Variants in LIN7A observed in about 807,000 individuals in gnomAD.
The protein encoded by LIN7A is lin-7 cell polarity scaffold A, also known as protein lin-7 homolog A.
A neutral mutation model predicts 29.8 loss-of-function variants in LIN7A; 25 were observed. The ratio of observed to expected loss-of-function variants is 0.84; its 90% CI spans 0.61 to 1.17. LIN7A has a LOEUF of 1.17. Among genes scored for constraint, LIN7A ranks in the 50% most tolerant of loss-of-function variants. The pLI is 0.00. For missense variants in LIN7A, 239 were observed against 287.0 expected, an observed-to-expected ratio of 0.83 and a Z score of 1.21; for synonymous variants, 118 against 107.5, an observed-to-expected ratio of 1.10 and a Z score of -0.60.
chr12:80,842,096 A>G (rs1363780827), intron 4 of LIN7A: 12 of 1,287,562 alleles, frequency 9.3e-6, no homozygotes, highest in African/African-American at 1.5e-5. Flanking sequence ...CTGAGCTGAC[A>G]TGAGTTTCCA....
chr12:80,897,720 A>T (rs533413471), intron 1 of LIN7A, among the ~76,000 whole-genome samples: 28 of 152,086 alleles, frequency 1.8e-4, no homozygotes, highest in African/African-American at 6.8e-4. Context: ...AGGAAGAATC[A>T]CCTGAACCTG....
chr12:80,803,325 C>T (rs910843164), intron 5 of LIN7A, among the ~76,000 whole-genome samples: 2 of 152,128 alleles, frequency 1.3e-5, no homozygotes, highest in African/African-American at 2.4e-5. Context: ...GATAAGGGTC[C>T]AATTTCATTC....
chr12:80,875,607 G>T (rs1349105856), intron 2 of LIN7A, among the ~76,000 whole-genome samples: 1 of 152,086 alleles, frequency 6.6e-6, no homozygotes, highest in Non-Finnish European at 1.5e-5. Flanking sequence ...TTTTGTCTGC[G>T]ATTTCTATGA....
At chr12:80,825,475 T>A (rs1275286193) in intron 4 of LIN7A, among the ~76,000 whole-genome samples, 10 of 152,194 alleles carry the variant, frequency 6.6e-5, no homozygotes, top group Admixed American at 5.9e-4. Context: ...CTGATTGAGA[T>A]CCCTCAGAAT....
At chr12:80,839,557 A>C (rs1204482691) in intron 4 of LIN7A, among the ~76,000 whole-genome samples, 2 of 152,228 alleles carry the variant, frequency 1.3e-5, no homozygotes, top group Non-Finnish European at 2.9e-5. Context: ...TTATTGTGAA[A>C]CTTAAATCTT....
chr12:80,795,693 G>C lies in LIN7A; in HGVS notation c.*2034C>G, dbSNP rs1870412402. 6.6e-6 allele frequency: 1 copy of C among 152,110 alleles called. No homozygotes were observed. The highest frequency in any genetic ancestry group is 2.1e-4 in the South Asian group (1 of 4,830). The allele number at this position is 152,110 out of a possible 1,614,324, so 9.4% of individuals were successfully genotyped here. ...AGGGTTCAGTGATTTCCCTTCATGA[G>C]AATCCTGTGGCATTGCCTGAATAGC... On this transcript the variant is annotated 3_prime_UTR_variant, in exon 6 of 6. Coordinates refer to ENST00000552864, the MANE Select transcript of LIN7A (RefSeq NM_004664.4).
intron 2 of LIN7A, among the ~76,000 whole-genome samples, chr12:80,878,288 G>T (rs1038775034): frequency 1.3e-5 from 2 of 152,192 alleles, no homozygotes; most frequent in Admixed American, 6.5e-5. Context: ...TTAAAAATGT[G>T]TCTTTACTCA....
At chr12:80,909,669 C>T (rs930968105) in intron 1 of LIN7A, among the ~76,000 whole-genome samples, 4 of 152,088 alleles carry the variant, frequency 2.6e-5, no homozygotes, top group Admixed American at 6.6e-5. Context: ...ACCCTCATAA[C>T]TTAATCGCAT....
intron 1 of LIN7A, chr12:80,936,471 C>T (rs554440440): frequency 1.3e-5 from 2 of 152,320 alleles, no homozygotes; most frequent in African/African-American, 4.8e-5. Context: ...GTTTAATCCT[C>T]TAGAAAGAAA....
intron 1 of LIN7A, among the ~76,000 whole-genome samples, chr12:80,891,494 A>T (rs1039921296): frequency 6.6e-6 from 1 of 152,182 alleles, no homozygotes; most frequent in African/African-American, 2.4e-5. Context: ...GTTTTGGCAC[A>T]TGTCATCACC....
intron 4 of LIN7A, among the ~76,000 whole-genome samples, chr12:80,837,712 G>C (rs55729713): frequency 6.6e-6 from 1 of 152,096 alleles, no homozygotes; most frequent in Non-Finnish European, 1.5e-5. Context: ...TACACATAAC[G>C]GAGTTAAAAA....
chr12:80,885,164 C>A (rs1338344391), intron 2 of LIN7A, among the ~76,000 whole-genome samples: 4 of 152,072 alleles, frequency 2.6e-5, no homozygotes, highest in African/African-American at 9.7e-5. Context: ...TAATTCTTGA[C>A]AATTGAGCTA....
At position 80,889,376 on chromosome 12, in the gene LIN7A, GA is replaced by G. The variant is rs749349880; in HGVS notation, c.83-8del. 130 of 1,462,246 alleles carry G rather than the reference GA, an allele frequency of 8.9e-5. No individual in the cohort carries two copies. The highest frequency in any genetic ancestry group is 1.2e-4 in the Non-Finnish European group (122 of 1,047,244). The allele number at this position is 1,462,246 out of a possible 1,614,324, so 90.6% of individuals were successfully genotyped here. ...TCAATTGCTCTTGCAACATCTGAAT[GA>G]AAAAAAATGAAAATAGAGAAACCTA... On this transcript the variant is annotated splice_region_variant and splice_polypyrimidine_tract_variant and intron_variant, in intron 1 of 5. Transcript: ENST00000552864.
intron 2 of LIN7A, among the ~76,000 whole-genome samples, chr12:80,886,285 C>T (rs559284867): frequency 3.2e-4 from 48 of 151,892 alleles, no homozygotes; most frequent in African/African-American, 9.7e-4. Flanking sequence ...AATGCAACTT[C>T]GAGACATTTA....
At chr12:80,800,770 TACCAAAGCCAG>T (rs1870683574) in intron 5 of LIN7A, among the ~76,000 whole-genome samples, 1 of 151,826 alleles carries the variant, frequency 6.6e-6, no homozygotes, top group Non-Finnish European at 1.5e-5. Context: ...ATTACATTAA[TACCAAAGCCAG>T]ACGAAGACAC....
intron 2 of LIN7A, among the ~76,000 whole-genome samples, chr12:80,887,256 T>C (rs1224687510): frequency 2.0e-5 from 3 of 152,114 alleles, no homozygotes; most frequent in African/African-American, 7.2e-5. Context: ...CAAGTTGCTA[T>C]CATCTTATCT....
At chr12:80,919,124 A>T (rs975760852) in intron 1 of LIN7A, among the ~76,000 whole-genome samples, 2 of 152,200 alleles carry the variant, frequency 1.3e-5, no homozygotes, top group Admixed American at 6.5e-5. Flanking sequence ...ATGTATTTCC[A>T]TCGTTAAGGA....
At position 80,929,767 on chromosome 12, in the gene LIN7A, T is replaced by G. The variant is rs576828481; in HGVS notation, c.82+7874A>C. On this transcript the variant is annotated intron_variant, in intron 1 of 5. Transcript: ENST00000552864. Reference sequence around the variant, plus strand: ...TTATATATATTTTAAAATATATATATGGGCCAAGAGGCAACAAATAGATTG... The same window carrying G: ...TTATATATATTTTAAAATATATATAGGGGCCAAGAGGCAACAAATAGATTG... Among the ~76,000 whole-genome samples, 12 of 152,238 alleles carry G rather than the reference T, an allele frequency of 7.9e-5. No individual in the cohort carries two copies. The East Asian group carries it at 2.3e-3, about 29-fold the overall frequency.
At chr12:80,912,813 C>A (rs143356033) in intron 1 of LIN7A, among the ~76,000 whole-genome samples, 1 of 151,932 alleles carries the variant, frequency 6.6e-6, no homozygotes, top group Non-Finnish European at 1.5e-5. Flanking sequence ...AGGTTACCCA[C>A]GCCAGTCTCC....
Sources: gnomAD v4.1 joint callset for allele counts (sites outside exome capture counted in the v4.1 genomes callset) on GRCh38, gnomAD v4.1.1 for gene constraint, MANE v1.5 for transcripts, NCBI Gene and HGNC (gene_info 2026-07-23, HGNC 2026-07-21) for gene names.